Variants in ADGRB3 observed in about 807,000 individuals in gnomAD.
The protein encoded by ADGRB3 is adhesion G protein-coupled receptor B3.
A neutral mutation model predicts 193.4 loss-of-function variants in ADGRB3; 37 were observed. The observed-to-expected ratio is 0.19, with a 90% CI of 0.15 to 0.25. The LOEUF (loss-of-function observed/expected upper bound fraction) is 0.25, where lower values mean the gene tolerates loss of function less well. Among genes scored for constraint, ADGRB3 ranks in the 10% least tolerant of loss-of-function variants. The pLI is 1.00. For missense variants in ADGRB3, 1,637 were observed against 1,852.9 expected, an observed-to-expected ratio of 0.88 and a Z score of 2.14; for synonymous variants, 690 against 644.2, an observed-to-expected ratio of 1.07 and a Z score of -1.08.
intron 3 of ADGRB3, among the ~76,000 whole-genome samples, chr6:68,682,354 A>G (rs1263010186): frequency 6.6e-6 from 1 of 152,238 alleles, no homozygotes; most frequent in Non-Finnish European, 1.5e-5. Context: ...GTATAAATAT[A>G]AAGCAAGATA....
chr6:69,027,205 A>T (rs1380405687), intron 13 of ADGRB3, among the ~76,000 whole-genome samples: 1 of 151,378 alleles, frequency 6.6e-6, no homozygotes, highest in Non-Finnish European at 1.5e-5. Flanking sequence ...TTTAATTTTT[A>T]AATTTTAGAT....
At chr6:69,103,011 T>C (rs1312825504) in intron 17 of ADGRB3, among the ~76,000 whole-genome samples, 1 of 152,182 alleles carries the variant, frequency 6.6e-6, no homozygotes, top group African/African-American at 2.4e-5. Flanking sequence ...TTCCTTCTCA[T>C]GACAACAATG....
intron 17 of ADGRB3, among the ~76,000 whole-genome samples, chr6:69,148,951 T>C (rs953964212): frequency 5.3e-5 from 8 of 152,180 alleles, no homozygotes; most frequent in Middle Eastern, 3.2e-3. Context: ...TCTCTTGTTT[T>C]TAGGATCCTT....
chr6:69,359,278 A>G (rs1013645030), intron 28 of ADGRB3, among the ~76,000 whole-genome samples: 3 of 151,578 alleles, frequency 2.0e-5, no homozygotes, highest in Admixed American at 2.0e-4. Flanking sequence ...TAAATTTAGC[A>G]TACTTTGCCC....
At chr6:68,999,186 A>G (rs1349873249) in intron 11 of ADGRB3, among the ~76,000 whole-genome samples, 4 of 152,116 alleles carry the variant, frequency 2.6e-5, no homozygotes, top group African/African-American at 7.2e-5. Context: ...TTTCCCTTCA[A>G]GCATATTCTT....
chr6:69,369,564 G>A (rs1769662341), intron 29 of ADGRB3, among the ~76,000 whole-genome samples: 1 of 151,956 alleles, frequency 6.6e-6, no homozygotes, highest in Non-Finnish European at 1.5e-5. Context: ...CAGGTGTTGT[G>A]GCACATGTCT....
chr6:68,804,780 A>G (rs1259378537), intron 3 of ADGRB3, among the ~76,000 whole-genome samples: 2 of 152,164 alleles, frequency 1.3e-5, no homozygotes, highest in African/African-American at 4.8e-5. Flanking sequence ...TTAAATCAAT[A>G]TTTAAAATAT....
In ADGRB3 at chr6:69,343,429, G is replaced by A. The variant is rs544655547; in HGVS notation, c.3459+3925G>A. On this transcript the variant is annotated intron_variant, in intron 26 of 31. Transcript: ENST00000370598. ...AATTCCCACCTATGAGTGAGAATAC[G>A]CGGTGTTTGGTTTTTTGTTCTTGCG... Among the ~76,000 whole-genome samples, 41 of 146,150 alleles carry A rather than the reference G, an allele frequency of 2.8e-4. 1 individual carries two copies. The South Asian group carries it at 3.6e-3, about 13-fold the overall frequency.
chr6:69,101,482 AAAG>A (rs1280663448), intron 17 of ADGRB3, among the ~76,000 whole-genome samples: 2 of 130,282 alleles, frequency 1.5e-5, no homozygotes, highest in African/African-American at 2.9e-5. Flanking sequence ...AGTGAGCAAA[AAAG>A]GAGAATACAA....
chr6:69,056,846 C>T (rs987561540), intron 15 of ADGRB3, among the ~76,000 whole-genome samples: 60 of 152,148 alleles, frequency 3.9e-4, no homozygotes, highest in Non-Finnish European at 4.4e-5. Flanking sequence ...ATAATCATTA[C>T]TGTAGCTTTG....
chr6:68,649,710 A>G (rs1473036381), intron 3 of ADGRB3, among the ~76,000 whole-genome samples: 1 of 152,144 alleles, frequency 6.6e-6, no homozygotes, highest in Non-Finnish European at 1.5e-5. Context: ...TTGGAGAAAT[A>G]ATGTGCATTC....
At position 68,673,172 on chromosome 6, in the gene ADGRB3, A is replaced by G. The variant is rs191065061; in HGVS notation, c.757+33740A>G. On this transcript the variant is annotated intron_variant, in intron 3 of 31. Transcript: ENST00000370598. ...CACCTTCAAGGGTTCGAATGGGTAT[A>G]AAAATAACTGAAAATAAGTAGAGAT... Among the ~76,000 whole-genome samples, 720 of 152,268 alleles carry G rather than the reference A, an allele frequency of 4.7e-3. 1 individual carries two copies. Among genetic ancestry groups the G allele is most frequent in the Non-Finnish European group, 7.0e-3 (474 of 67,996 alleles).
intron 3 of ADGRB3, among the ~76,000 whole-genome samples, chr6:68,763,606 A>G (rs556472589): frequency 4.3e-4 from 65 of 152,302 alleles, no homozygotes; most frequent in African/African-American, 1.2e-3. Flanking sequence ...TGTTAACTAG[A>G]TGTTATCAGA....
At chr6:69,327,586 A>T (rs1231155259) in intron 21 of ADGRB3, among the ~76,000 whole-genome samples, 2 of 152,210 alleles carry the variant, frequency 1.3e-5, no homozygotes. Context: ...ACCCGTGTCA[A>T]ATGTGGTGGT....
At chr6:69,327,961 T>C (rs1416759117) in intron 22 of ADGRB3, 72 bp downstream of exon 22, 7 of 1,350,154 alleles carry the variant, frequency 5.2e-6, no homozygotes, top group Non-Finnish European at 7.2e-6. Context: ...TTGGCACTGC[T>C]GATGGCTTGC....
In ADGRB3 at chr6:68,639,066, C is replaced by T. The variant is rs569105003; in HGVS notation, c.391C>T (p.Arg131Cys). 4.3e-6 allele frequency: 7 copies of T among 1,613,746 alleles called. No homozygotes were observed. Among genetic ancestry groups the T allele is most frequent in the African/African-American group, 2.7e-5 (2 of 74,838 alleles). Residue 131 changes from arginine (R) to cysteine (C), a missense_variant, in exon 3 of 32, where the codon CGT becomes TGT. Arg to Cys is a radical substitution (Grantham distance 180). Coordinates refer to ENST00000370598, the MANE Select transcript of ADGRB3 (RefSeq NM_001704.3). Reference sequence around the variant, plus strand: ...GTATGATAAAAATTTTATTCAAATACGTCGAGTATTTCCAACTAATTTCCC... The same window carrying T: ...GTATGATAAAAATTTTATTCAAATATGTCGAGTATTTCCAACTAATTTCCC... ...LQYDKNFIQIRRVFPTNFPGL... is the reference protein window; with the variant it reads ...LQYDKNFIQICRVFPTNFPGL...
chr6:69,031,550 T>TTTCTTTCTTTCTTTCTTTCTTTATTTC, intron 13 of ADGRB3, among the ~76,000 whole-genome samples: 3 of 70,132 alleles, frequency 4.3e-5, no homozygotes, highest in Non-Finnish European at 9.1e-5. Flanking sequence ...TCTTTCTTTC[T>TTTCTTTCTTTCTTTCTTTCTTTATTTC]TTTTCTTTCT....
intron 17 of ADGRB3, among the ~76,000 whole-genome samples, chr6:69,095,131 A>C (rs1772836290): frequency 6.6e-6 from 1 of 152,132 alleles, no homozygotes. Context: ...TGGTCTTATC[A>C]TTTTCTGTAG....
intron 3 of ADGRB3, among the ~76,000 whole-genome samples, chr6:68,654,313 C>T (rs952830569): frequency 1.3e-5 from 2 of 151,950 alleles, no homozygotes; most frequent in Admixed American, 6.6e-5. Flanking sequence ...GAGTGGTATG[C>T]TGGCAAGCTT....
Sources: allele counts gnomAD v4.1 joint callset (sites outside exome capture counted in the v4.1 genomes callset), GRCh38; gene constraint gnomAD v4.1.1; transcripts MANE v1.5; gene names NCBI Gene and HGNC (gene_info 2026-07-23, HGNC 2026-07-21).